The following GLI2 variants were observed in gnomAD, a reference collection of about 807,000 sequenced individuals.
GLI2 encodes the protein transcription activator GLI2.
GLI2 carries 22 observed loss-of-function variants against 78.9 expected under a neutral mutation model. The ratio of observed to expected loss-of-function variants is 0.28; its 90% confidence interval spans 0.20 to 0.40. The LOEUF (loss-of-function observed/expected upper bound fraction) is 0.40, where lower values mean the gene tolerates loss of function less well. Among genes scored for constraint, GLI2 ranks in the 10% least tolerant of loss-of-function variants. The pLI is 1.00. For synonymous variants in GLI2, 974 were observed against 963.7 expected (o/e 1.01, Z -0.20); for missense variants, 2,097 against 2,213.2 (o/e 0.95, Z 1.05).
chr2:120,766,521 T>C (rs1025852512), intron 1 of GLI2, among the ~76,000 whole-genome samples: 2 of 152,064 alleles, frequency 1.3e-5, no homozygotes, highest in African/African-American at 4.8e-5. Context: ...GACCACACCA[T>C]AGAAATGGGA....
intron 3 of GLI2, among the ~76,000 whole-genome samples, chr2:120,934,102 G>A (rs180700787): frequency 7.2e-5 from 11 of 152,298 alleles, no homozygotes; most frequent in Admixed American, 4.6e-4. Context: ...GCGCCCATAG[G>A]CCAGAGTTTG....
intron 2 of GLI2, among the ~76,000 whole-genome samples, chr2:120,840,229 C>T (rs1468218716): frequency 6.6e-6 from 1 of 152,194 alleles, no homozygotes; most frequent in Non-Finnish European, 1.5e-5. Flanking sequence ...TATGCCTTTC[C>T]CCGCTTCTGT....
At chr2:120,862,515 G>C (rs1407703788) in intron 2 of GLI2, among the ~76,000 whole-genome samples, 1 of 152,158 alleles carries the variant, frequency 6.6e-6, no homozygotes, top group Non-Finnish European at 1.5e-5. Context: ...AGCTGTGCGT[G>C]ACCCCGTCTC....
At chr2:120,982,437 TA>T (rs1682755224) in intron 10 of GLI2, among the ~76,000 whole-genome samples, 1 of 138,996 alleles carries the variant, frequency 7.2e-6, no homozygotes, top group African/African-American at 2.6e-5. Context: ...ATTTTGGTTT[TA>T]AAGACATGTG....
chr2:120,848,978 A>G (rs1303769712), intron 2 of GLI2, among the ~76,000 whole-genome samples: 1 of 152,248 alleles, frequency 6.6e-6, no homozygotes, highest in Non-Finnish European at 1.5e-5. Context: ...GTAGCTTACC[A>G]TATAATGGAA....
rs199675255 is a variant in GLI2 at position 120,811,180 on chromosome 2, C to T, written c.148+13712C>T. On this transcript the variant is annotated intron_variant, in intron 2 of 13. Coordinates refer to ENST00000361492, the MANE Select transcript of GLI2 (RefSeq NM_001374353.1). ...GCTGGTCAAGCCAAATACCAGTGTC[C>T]GCCTCCCTGAAGCCAGATGGCAGGA... Among the ~76,000 whole-genome samples, 26 of 152,254 alleles carry T rather than the reference C, an allele frequency of 1.7e-4. No homozygotes were observed. The East Asian group carries it at 4.6e-3, about 27-fold the overall frequency.
intron 2 of GLI2, among the ~76,000 whole-genome samples, chr2:120,881,941 G>T (rs1249804511): frequency 6.6e-6 from 1 of 151,980 alleles, no homozygotes; most frequent in Non-Finnish European, 1.5e-5. Context: ...TGTCAGCCCA[G>T]CAACCAAAGA....
intron 3 of GLI2, among the ~76,000 whole-genome samples, chr2:120,948,011 G>A (rs984182436): frequency 4.6e-5 from 7 of 152,192 alleles, no homozygotes; most frequent in African/African-American, 1.7e-4. Flanking sequence ...TCTGTTCTGG[G>A]GTAGGATAGT....
chr2:120,989,213 C>G lies in GLI2; in HGVS notation c.3248C>G (p.Pro1083Arg). The G allele has an allele frequency of 6.2e-7, 1 of 1,613,198 alleles. No individual in the cohort carries two copies. ...GGCTTCTCTGACAACCCCAGACTACCCAGCCCGGGGCTGCACGGCCAGCGC... is the reference window on the plus strand; with the variant it reads ...GGCTTCTCTGACAACCCCAGACTACGCAGCCCGGGGCTGCACGGCCAGCGC... ...STGFSDNPRL[P>R]SPGLHGQRRM... is the part of the protein sequence containing the mutation. Residue 1083 changes from proline to arginine, a missense_variant, in exon 14 of 14, where the codon CCC becomes CGC. By Grantham distance (103) the Pro-to-Arg change is moderately radical. This residue lies in a region of GLI2 where 1,290 missense variants were observed against 1,261.7 expected (regional missense o/e 1.02). Transcript: ENST00000361492.
intron 5 of GLI2, among the ~76,000 whole-genome samples, chr2:120,964,786 G>A (rs780170933): frequency 6.6e-6 from 1 of 152,256 alleles, no homozygotes; most frequent in Admixed American, 6.5e-5. Context: ...GTGGGAGGTC[G>A]AAAAGTGTTT....
At chr2:120,968,214 A>G (rs1681952375) in intron 5 of GLI2, among the ~76,000 whole-genome samples, 5 of 152,234 alleles carry the variant, frequency 3.3e-5, no homozygotes, top group Admixed American at 2.6e-4. Context: ...AAAGTAGGCA[A>G]CAAGAAGCTG....
At position 120,992,001 on chromosome 2, in the gene GLI2, C is replaced by G. The variant is rs1683308660; in HGVS notation, c.*1326C>G. On this transcript the variant is annotated 3_prime_UTR_variant, in exon 14 of 14. Transcript: ENST00000361492. ...TGTAGGGTGAATTGGTGCATCTTCC[C>G]CACCATACACACACACACACACACA... is the stretch of plus-strand genomic sequence containing the variant. The G allele has an allele frequency of 7.4e-6, 1 of 134,472 alleles. No homozygotes were observed. Among genetic ancestry groups the G allele is most frequent in the Non-Finnish European group, 1.6e-5 (1 of 63,950 alleles). 8.3% of individuals were successfully genotyped at this position (134,472 alleles called of 1,614,324 possible). A position where few individuals can be genotyped will look rare whatever the true frequency, so the allele number is the denominator to read the frequency against.
At chr2:120,740,576 A>G (rs1682504299) in intron 1 of GLI2, among the ~76,000 whole-genome samples, 1 of 152,224 alleles carries the variant, frequency 6.6e-6, no homozygotes, top group Non-Finnish European at 1.5e-5. Context: ...GAAAGCCGCA[A>G]AAGGGTGATG....
rs553380756 is a variant in GLI2, at chr2:120,942,500, A to G, written c.255-8743A>G. Among the ~76,000 whole-genome samples the G allele has an allele frequency of 2.6e-5, 4 of 152,300 alleles. No homozygotes were observed. The East Asian group carries it at 7.7e-4, about 29-fold the overall frequency. On this transcript the variant is annotated intron_variant, in intron 3 of 13. Transcript: ENST00000361492. ...ATGGCATGTAGGGCCCACTCAGGTAACCCATAATCTCCTCATCTCCAAATC... is the reference window on the plus strand; with the variant it reads ...ATGGCATGTAGGGCCCACTCAGGTAGCCCATAATCTCCTCATCTCCAAATC...
At chr2:120,835,982 T>A (rs1007017646) in intron 2 of GLI2, among the ~76,000 whole-genome samples, 3 of 152,126 alleles carry the variant, frequency 2.0e-5, no homozygotes, top group Non-Finnish European at 2.9e-5. Context: ...GAGTGTGCAT[T>A]GTTTATAGAG....
At chr2:120,897,995 C>T (rs1486442337) in intron 2 of GLI2, among the ~76,000 whole-genome samples, 1 of 151,994 alleles carries the variant, frequency 6.6e-6, no homozygotes, top group Admixed American at 6.6e-5. Flanking sequence ...GGGAACTGCA[C>T]CTTTCTGCTT....
At chr2:120,951,013 G>C (rs60613333) in intron 3 of GLI2, among the ~76,000 whole-genome samples, 1 of 152,132 alleles carries the variant, frequency 6.6e-6, no homozygotes, top group Admixed American at 6.5e-5. Context: ...ACTGGCCGGC[G>C]GGTGCACGCA....
rs1558800849 is a variant in GLI2, at chr2:120,797,370, G to A, written c.50G>A (p.Ser17Asn). ...ATASEKQEAK[S>N]GILEAAGFPD... ...GCCTCCGAGAAGCAAGAAGCCAAAA[G>A]TGGGATCCTGGAGGCCGCTGGCTTC... is the stretch of plus-strand genomic sequence containing the variant. Residue 17 changes from serine to asparagine, a missense_variant, in exon 2 of 14, where the codon AGT (serine) becomes AAT (asparagine). Coordinates refer to ENST00000361492, the MANE Select transcript of GLI2 (RefSeq NM_001374353.1). The A allele has an allele frequency of 6.2e-7, 1 of 1,614,106 alleles. No individual in the cohort carries two copies.
At chr2:120,980,626 T>A (rs1031439921) in intron 10 of GLI2, among the ~76,000 whole-genome samples, 1 of 152,232 alleles carries the variant, frequency 6.6e-6, no homozygotes, top group Non-Finnish European at 1.5e-5. Context: ...ACAAAGTTCT[T>A]AATTTTGAGG....
Sources: allele counts gnomAD v4.1 joint callset (sites outside exome capture counted in the v4.1 genomes callset), GRCh38; gene constraint gnomAD v4.1.1; regional missense constraint gnomAD v4.1.1; transcripts MANE v1.5; gene names NCBI Gene and HGNC (gene_info 2026-07-23, HGNC 2026-07-21).